Variants in ZNF326 observed in about 807,000 individuals in gnomAD.
The protein encoded by ZNF326 is zinc finger protein 326.
In ZNF326, 30 loss-of-function variants were observed where a neutral mutation model predicts 63.1. The ratio of observed to expected loss-of-function variants is 0.48; its 90% CI spans 0.36 to 0.64. ZNF326 has a LOEUF of 0.64. Among genes scored for constraint, ZNF326 ranks in the 30% least tolerant of loss-of-function variants. The pLI is 0.00. For missense variants in ZNF326, 609 were observed against 720.3 expected, an observed-to-expected ratio of 0.85 and a Z score of 1.77; for synonymous variants, 194 against 228.2, an observed-to-expected ratio of 0.85 and a Z score of 1.35.
At chr1:89,998,246 G>C in intron 2 of ZNF326, 92 bp downstream of exon 2, 1 of 1,219,814 alleles carries the variant, frequency 8.2e-7, no homozygotes, top group Non-Finnish European at 1.2e-6. Flanking sequence ...TCCTTGTTTT[G>C]GTTCTTGATA....
At chr1:90,027,053 T>C (rs1334836831) in intron 11 of ZNF326, among the ~76,000 whole-genome samples, 1 of 123,196 alleles carries the variant, frequency 8.1e-6, no homozygotes, top group African/African-American at 3.0e-5. Flanking sequence ...CTTGTCTTTG[T>C]CATGTGTATA....
intron 4 of ZNF326, chr1:90,005,626 A>T (rs1648951633): frequency 1.1e-6 from 1 of 942,300 alleles, no homozygotes. Context: ...ATCTTTTCTA[A>T]TGTGGGGTGC....
At position 90,007,283 on chromosome 1, in the gene ZNF326, T is replaced by A; in HGVS notation, c.210-62T>A. ...TAAATGTCATCTGATAATTTGTCTTTTGAATTGTCTAACATTAGTAAGCTT... is the reference window on the plus strand; with the variant it reads ...TAAATGTCATCTGATAATTTGTCTTATGAATTGTCTAACATTAGTAAGCTT... On this transcript the variant is annotated intron_variant, in intron 4 of 11. Coordinates refer to ENST00000340281, the MANE Select transcript of ZNF326 (RefSeq NM_182976.4). The surrounding 1 kb of genome is among the most constrained non-coding windows in gnomAD (Gnocchi z 4.9). The A allele has an allele frequency of 6.8e-7, 1 of 1,470,090 alleles. No individual in the cohort carries two copies. The highest frequency in any genetic ancestry group is 9.2e-7 in the Non-Finnish European group (1 of 1,090,440). The allele number at this position is 1,470,090 out of a possible 1,614,324, so 91.1% of individuals were successfully genotyped here. A position where few individuals can be genotyped will look rare whatever the true frequency, so the allele number is the denominator to read the frequency against.
intron 1 of ZNF326, among the ~76,000 whole-genome samples, chr1:89,996,067 A>T (rs1033093719): frequency 6.6e-6 from 1 of 152,206 alleles, no homozygotes; most frequent in Non-Finnish European, 1.5e-5. Flanking sequence ...TTTTAGCAAT[A>T]CTTTTCAGTT....
At position 90,032,877 on chromosome 1, in the gene ZNF326, A is replaced by G. The variant is rs1233769647; in HGVS notation, c.*5176A>G. ...AGAGCATATAATGCAGAGCATACAA[A>G]TAGGGGCCATCGAAGTGTGGCAATG... On this transcript the variant is annotated 3_prime_UTR_variant, in exon 12 of 12. Coordinates refer to ENST00000340281, the MANE Select transcript of ZNF326 (RefSeq NM_182976.4). The G allele has an allele frequency of 6.6e-6, 1 of 152,278 alleles. No individual in the cohort carries two copies. The highest frequency in any genetic ancestry group is 2.4e-5 in the African/African-American group (1 of 41,470). 9.4% of individuals were successfully genotyped at this position (152,278 alleles called of 1,614,324 possible).
Position 90,027,928 on chromosome 1 carries a change from T to G in ZNF326, c.*227T>G. 2.0e-6 allele frequency: 1 copy of G among 505,308 alleles called. No homozygotes were observed. The allele number at this position is 505,308 out of a possible 1,614,324, so 31.3% of individuals were successfully genotyped here. On this transcript the variant is annotated 3_prime_UTR_variant, in exon 12 of 12. Coordinates refer to ENST00000340281, the MANE Select transcript of ZNF326 (RefSeq NM_182976.4). ...TACCAGACTTAGATCCGATAAATTG[T>G]TTGTATAATTTTTAAGCTTAATTTT...
rs1650310711 is a variant in ZNF326, at chr1:90,032,272, A to G, written c.*4571A>G. ...AAAATTTCCCAGTTTTTGTTTTAAA[A>G]CAAAGTTGAAAAATATTATATTAGG... On this transcript the variant is annotated 3_prime_UTR_variant, in exon 12 of 12. Coordinates refer to ENST00000340281, the MANE Select transcript of ZNF326 (RefSeq NM_182976.4). 6.6e-6 allele frequency: 1 copy of G among 152,310 alleles called. No homozygotes were observed. The highest frequency in any genetic ancestry group is 1.5e-5 in the Non-Finnish European group (1 of 68,034). The allele number at this position is 152,310 out of a possible 1,614,324, so 9.4% of individuals were successfully genotyped here.
At chr1:90,011,772 T>C (rs941776084) in intron 6 of ZNF326, among the ~76,000 whole-genome samples, 1 of 152,164 alleles carries the variant, frequency 6.6e-6, no homozygotes, top group African/African-American at 2.4e-5. Flanking sequence ...GATCCAGCAA[T>C]TCCACTTCTA....
At chr1:90,014,704 A>T (rs970623399) in intron 7 of ZNF326, among the ~76,000 whole-genome samples, 1 of 152,182 alleles carries the variant, frequency 6.6e-6, no homozygotes, top group African/African-American at 2.4e-5. Context: ...AAAACAATCC[A>T]TAAAAAGAAG....
rs1177773509 is a variant in ZNF326, at chr1:90,023,264, CATT to C, written c.1401+923_1401+925del. Among the ~76,000 whole-genome samples the C allele has an allele frequency of 2.6e-5, 4 of 152,244 alleles. No individual in the cohort carries two copies. In the East Asian group the frequency reaches 7.7e-4, roughly 29 times the overall value. On this transcript the variant is annotated intron_variant, in intron 11 of 11. Coordinates refer to ENST00000340281, the MANE Select transcript of ZNF326 (RefSeq NM_182976.4). ...TACAAAATAATACCTACCTTAAAATCATTATTCTACACTGAAGAGAGCTGTTGT... is the reference window on the plus strand; with the variant it reads ...TACAAAATAATACCTACCTTAAAATCATTCTACACTGAAGAGAGCTGTTGT...
chr1:90,005,561 T>C (rs1357448563), intron 4 of ZNF326: 3 of 927,232 alleles, frequency 3.2e-6, no homozygotes, highest in Non-Finnish European at 3.9e-6. Context: ...AAAAATGATA[T>C]AAAAATGTTA....
intron 2 of ZNF326, among the ~76,000 whole-genome samples, chr1:90,004,705 G>A (rs1356944966): frequency 6.7e-6 from 1 of 148,820 alleles, no homozygotes; most frequent in Non-Finnish European, 1.5e-5. Flanking sequence ...ACAAAAATTA[G>A]CCAGTCTCAT....
At chr1:90,019,845 A>G (rs1275554962) in intron 9 of ZNF326, among the ~76,000 whole-genome samples, 1 of 152,110 alleles carries the variant, frequency 6.6e-6, no homozygotes, top group African/African-American at 2.4e-5. Context: ...ATCCTACCTT[A>G]CAAAGAAAGC....
rs904816149 is a variant in ZNF326 at position 89,995,150 on chromosome 1, C to T, written c.-108C>T. Reference sequence around the variant, plus strand: ...TGCGGCTCCCGGGCTGGTAGCGCGCCGCTCTCGGTCGCGCGGAGTGATCGT... The same window carrying T: ...TGCGGCTCCCGGGCTGGTAGCGCGCTGCTCTCGGTCGCGCGGAGTGATCGT... On this transcript the variant is annotated 5_prime_UTR_variant, in exon 1 of 12. Transcript: ENST00000340281. 4.0e-5 allele frequency: 55 copies of T among 1,368,174 alleles called. No homozygotes were observed. The Admixed American group carries it at 4.6e-4, about 11-fold the overall frequency. 84.8% of individuals were successfully genotyped at this position (1,368,174 alleles called of 1,614,324 possible).
intron 4 of ZNF326, chr1:90,006,295 A>C (rs1648983908): frequency 4.1e-6 from 4 of 978,748 alleles, no homozygotes; most frequent in South Asian, 4.7e-5. Flanking sequence ...TCTGTAAATA[A>C]TTGAAGTAAT....
chr1:90,035,212 A>G lies in ZNF326; in HGVS notation c.*7511A>G, dbSNP rs1239042885. The G allele has an allele frequency of 6.6e-6, 1 of 152,236 alleles. No individual in the cohort carries two copies. The highest frequency in any genetic ancestry group is 1.5e-5 in the Non-Finnish European group (1 of 68,046). The allele number at this position is 152,236 out of a possible 1,614,324, so 9.4% of individuals were successfully genotyped here. ...TGCAACAATCATTTAACCCTAAGAA[A>G]TAGAAGTATTAGGAAGAGAAAACAT... is the stretch of plus-strand genomic sequence containing the variant. On this transcript the variant is annotated 3_prime_UTR_variant, in exon 12 of 12. Coordinates refer to ENST00000340281, the MANE Select transcript of ZNF326 (RefSeq NM_182976.4).
chr1:90,027,205 C>A, intron 11 of ZNF326, 149 bp from the exon 12 acceptor site: 1 of 741,544 alleles, frequency 1.3e-6, no homozygotes. Context: ...AATGGACAGT[C>A]AACAAATACT....
rs140602982 is a variant in ZNF326, at chr1:90,024,492, A to G, written c.1401+2147A>G. On this transcript the variant is annotated intron_variant, in intron 11 of 11. Transcript: ENST00000340281. ...CCTGTGTTTCCCAGATTTTCACTCA[A>G]TTCACAATAATTTTACTTATTAACT... Among the ~76,000 whole-genome samples, 641 of 152,276 alleles carry G rather than the reference A, an allele frequency of 4.2e-3. 5 individuals carry two copies. The highest frequency in any genetic ancestry group is 0.015 in the African/African-American group (623 of 41,560).
chr1:90,013,106 T>G lies in ZNF326; in HGVS notation c.815-20T>G. On this transcript the variant is annotated intron_variant, in intron 6 of 11. Transcript: ENST00000340281. ...TGGAAAAATGAATTTTAGCTTTTAC[T>G]TTTTTGTGTAATATCCTAGCAAAAA... 1 of 1,590,450 alleles carries G rather than the reference T, an allele frequency of 6.3e-7. No individual in the cohort carries two copies. Among genetic ancestry groups the G allele is most frequent in the East Asian group, 2.2e-5 (1 of 44,676 alleles).
Sources: allele counts gnomAD v4.1 joint callset (sites outside exome capture counted in the v4.1 genomes callset), GRCh38; gene constraint gnomAD v4.1.1; non-coding constraint Gnocchi (gnomAD v3.1); transcripts MANE v1.5; gene names NCBI Gene and HGNC (gene_info 2026-07-23, HGNC 2026-07-21).